The following SAMMSON variants were observed in gnomAD, a reference collection of about 807,000 sequenced individuals.
The protein encoded by SAMMSON is survival associated mitochondrial melanoma specific oncogenic non-coding RNA.
downstream of SAMMSON, among the ~76,000 whole-genome samples, chr3:70,392,433 GC>G (rs1450243966): frequency 6.6e-6 from 1 of 152,082 alleles, no homozygotes; most frequent in African/African-American, 2.4e-5. Context: ...TGTGCAGGTG[GC>G]CCCCTCTCAA....
rs543666838 is a variant in SAMMSON, at chr3:70,073,071, A to T, written n.507+1506A>T. ...ATTTTACAAAGTTAGAAGGCGGAAG[A>T]ACCCTACTCTTTGTTTTAGGTTTGC... On this transcript the variant is annotated intron_variant and non_coding_transcript_variant, in intron 4 of 9. Transcript: ENST00000642114. Among the ~76,000 whole-genome samples the T allele has an allele frequency of 4.6e-5, 7 of 152,150 alleles. No individual in the cohort carries two copies. In the South Asian group the frequency reaches 1.4e-3, roughly 32 times the overall value.
intron 7 of SAMMSON, among the ~76,000 whole-genome samples, chr3:70,352,456 G>A (rs925881249): frequency 4.6e-5 from 7 of 152,064 alleles, no homozygotes; most frequent in Admixed American, 2.6e-4. Context: ...GACATCATCA[G>A]ATGAAGGAAA....
chr3:70,017,902 G>A (rs1005500676), intron 3 of SAMMSON, among the ~76,000 whole-genome samples: 1 of 152,092 alleles, frequency 6.6e-6, no homozygotes, highest in Non-Finnish European at 1.5e-5. Context: ...ATTTGCATAT[G>A]TTGAACCAGC....
At chr3:70,290,378 C>T (rs1702223038) in intron 6 of SAMMSON, among the ~76,000 whole-genome samples, 1 of 152,186 alleles carries the variant, frequency 6.6e-6, no homozygotes, top group Non-Finnish European at 1.5e-5. Flanking sequence ...GCTCGGGGGC[C>T]AGGGGTCAGG....
intron 6 of SAMMSON, among the ~76,000 whole-genome samples, chr3:70,290,990 T>G (rs1331385430): frequency 6.6e-6 from 1 of 152,108 alleles, no homozygotes; most frequent in Admixed American, 6.5e-5. Flanking sequence ...ACCCGGTACC[T>G]CAGATGGAAA....
intron 7 of SAMMSON, among the ~76,000 whole-genome samples, chr3:70,332,004 T>C (rs1702624860): frequency 6.6e-6 from 1 of 152,236 alleles, no homozygotes; most frequent in Admixed American, 6.5e-5. Flanking sequence ...GAATTCAGTA[T>C]TGATAGATCT....
intron 9 of SAMMSON, among the ~76,000 whole-genome samples, chr3:70,363,892 C>G (rs1330472935): frequency 6.6e-6 from 1 of 150,726 alleles, no homozygotes; most frequent in Non-Finnish European, 1.5e-5. Flanking sequence ...TTGATATTTT[C>G]TTTTTATTTT....
At chr3:70,169,808 A>G (rs1036444199) in intron 4 of SAMMSON, among the ~76,000 whole-genome samples, 2 of 151,870 alleles carry the variant, frequency 1.3e-5, no homozygotes, top group Non-Finnish European at 2.9e-5. Flanking sequence ...TTTTATAGGA[A>G]CAGAGCACCG....
chr3:70,199,821 C>T (rs1461610621), intron 4 of SAMMSON, among the ~76,000 whole-genome samples: 1 of 152,168 alleles, frequency 6.6e-6, no homozygotes, highest in Non-Finnish European at 1.5e-5. Flanking sequence ...CCAGGATTCG[C>T]ACCCCTTCTC....
At chr3:70,023,147 A>T (rs969195709) in intron 3 of SAMMSON, among the ~76,000 whole-genome samples, 1 of 152,108 alleles carries the variant, frequency 6.6e-6, no homozygotes, top group Non-Finnish European at 1.5e-5. Flanking sequence ...TCCAGTCTCA[A>T]AGACTAGGAA....
chr3:70,214,285 C>T (rs1306213286), intron 4 of SAMMSON, among the ~76,000 whole-genome samples: 1 of 152,094 alleles, frequency 6.6e-6, no homozygotes, highest in Non-Finnish European at 1.5e-5. Context: ...GTTAAAGTCA[C>T]AGTCGTATAA....
At chr3:70,418,961 TTTCCTTTCCTTCCTTCCTTC>T (rs1559585493) in intron 2 of SAMMSON, among the ~76,000 whole-genome samples, 11 of 81,642 alleles carry the variant, frequency 1.3e-4, no homozygotes, top group Admixed American at 3.8e-4. Flanking sequence ...TTTCCTTTCC[TTTCCTTTCCTTCCTTCCTTC>T]TCTCTCTCTC....
chr3:70,398,756 A>G (rs1057180399), intron 2 of SAMMSON, among the ~76,000 whole-genome samples: 4 of 152,210 alleles, frequency 2.6e-5, no homozygotes, highest in African/African-American at 4.8e-5. Flanking sequence ...GAAAATGTAA[A>G]TGCTCGATGT....
intron 7 of SAMMSON, among the ~76,000 whole-genome samples, chr3:70,343,515 G>A (rs1362187987): frequency 6.6e-6 from 1 of 152,078 alleles, no homozygotes; most frequent in African/African-American, 2.4e-5. Context: ...TGAGTAGATT[G>A]GAGTTATGAG....
intron 4 of SAMMSON, among the ~76,000 whole-genome samples, chr3:70,243,846 G>A (rs1575605155): frequency 6.6e-6 from 1 of 152,168 alleles, no homozygotes; most frequent in East Asian, 1.9e-4. Flanking sequence ...TTGTGTCTAG[G>A]AGGATATGTG....
At chr3:70,118,066 C>A (rs1351542377) in intron 4 of SAMMSON, among the ~76,000 whole-genome samples, 7 of 151,906 alleles carry the variant, frequency 4.6e-5, no homozygotes, top group African/African-American at 1.7e-4. Context: ...TACAGGCACC[C>A]CACCACCACG....
intron 6 of SAMMSON, among the ~76,000 whole-genome samples, chr3:70,268,557 C>T (rs1312140749): frequency 6.6e-6 from 1 of 151,812 alleles, no homozygotes; most frequent in Non-Finnish European, 1.5e-5. Context: ...ATCAACACTC[C>T]AAGGCCATAG....
At chr3:70,378,021 G>A (rs951810217) in intron 9 of SAMMSON, among the ~76,000 whole-genome samples, 1 of 151,894 alleles carries the variant, frequency 6.6e-6, no homozygotes, top group Non-Finnish European at 1.5e-5. Context: ...CGTTAAAAAG[G>A]TAATATGGAA....
intron 3 of SAMMSON, among the ~76,000 whole-genome samples, chr3:70,026,664 G>A (rs2067040385): frequency 6.6e-6 from 1 of 152,154 alleles, no homozygotes; most frequent in Admixed American, 6.5e-5. Context: ...AGATGCTGAT[G>A]GAAGCTCCAA....
Sources: allele counts gnomAD v4.1 joint callset (sites outside exome capture counted in the v4.1 genomes callset), GRCh38; gene constraint gnomAD v4.1.1; transcripts MANE v1.5; gene names NCBI Gene and HGNC (gene_info 2026-07-23, HGNC 2026-07-21).